Variants in MUS81 observed in about 807,000 individuals in gnomAD.
MUS81 encodes the protein structure-specific endonuclease subunit MUS81.
A neutral mutation model predicts 74.2 loss-of-function variants in MUS81; 69 were observed. The observed-to-expected ratio is 0.93, with a 90% CI of 0.77 to 1.14. MUS81 has a LOEUF of 1.14. Among genes scored for constraint, MUS81 ranks in the 50% most tolerant of loss-of-function variants. The pLI, the probability that MUS81 is intolerant of heterozygous loss-of-function variation, is 0.00. For missense variants in MUS81, 711 were observed against 726.5 expected (o/e 0.98, Z 0.25); for synonymous variants, 303 against 300.6 (o/e 1.01, Z -0.08).
At chr11:65,862,697 G>C (rs4515971) in intron 6 of MUS81, among the ~76,000 whole-genome samples, 168 bp downstream of exon 6, 2 of 152,162 alleles carry the variant, frequency 1.3e-5, no homozygotes, top group Non-Finnish European at 2.9e-5. Context: ...CCGCAGCAGC[G>C]GGGGTGGGAG....
intron 6 of MUS81, 96 bp downstream of exon 6, chr11:65,862,625 A>AC (rs371861381): frequency 3.9e-5 from 44 of 1,123,794 alleles, no homozygotes; most frequent in African/African-American, 1.0e-4. Context: ...TGCTGTTGAG[A>AC]TTGGGGGGGG....
chr11:65,863,860 C>G lies in MUS81; in HGVS notation c.1018C>G (p.Leu340Val). The change falls in exon 10 of 16, where the codon CTT becomes GTT. Residue 340 changes from leucine (L) to valine (V), a missense_variant. Transcript: ENST00000308110. Reference protein sequence around the residue: ...HIVERKRLDDLCSSIIDGRFR... With the variant: ...HIVERKRLDDVCSSIIDGRFR... ...TGTGGAGCGCAAGCGACTGGATGAC[C>G]TTTGCAGCAGCATCATCGACGGCCG... 6.2e-7 allele frequency: 1 copy of G among 1,614,172 alleles called. No homozygotes were observed. The highest frequency in any genetic ancestry group is 1.7e-5 in the Admixed American group (1 of 60,030).
intron 9 of MUS81, 27 bp downstream of exon 9, chr11:65,863,748 C>G (rs373042311): frequency 1.4e-5 from 22 of 1,613,980 alleles, no homozygotes; most frequent in Admixed American, 3.3e-5. Context: ...AGGCTGGCAC[C>G]AGGGGCAGGG....
chr11:65,862,603 TC>T lies in MUS81; in HGVS notation c.605+77del. The T allele has an allele frequency of 3.1e-6, 4 of 1,300,688 alleles. 1 individual carries two copies. Among genetic ancestry groups the T allele is most frequent in the South Asian group, 2.4e-5 (2 of 83,430 alleles). The allele number at this position is 1,300,688 out of a possible 1,614,324, so 80.6% of individuals were successfully genotyped here. A position where few individuals can be genotyped will look rare whatever the true frequency, so the allele number is the denominator to read the frequency against. ...TAGGGCCTTAGAGTCACCCAACAACTCCCAGAGCTGATGCTGTTGAGATTGG... is the reference window on the plus strand; with the variant it reads ...TAGGGCCTTAGAGTCACCCAACAACTCCAGAGCTGATGCTGTTGAGATTGG... On this transcript the variant is annotated intron_variant, in intron 6 of 15. Coordinates refer to ENST00000308110, the MANE Select transcript of MUS81 (RefSeq NM_025128.5).
At position 65,863,084 on chromosome 11, in the gene MUS81, G is replaced by A; in HGVS notation, c.625G>A (p.Gly209Ser). The change falls in exon 7 of 16, where the codon GGC (glycine) becomes AGC (serine). Residue 209 changes from glycine (G) to serine (S), a missense_variant. Physicochemically the swap from Gly to Ser is moderately conservative, Grantham distance 56 (BLOSUM62 0). Coordinates refer to ENST00000308110, the MANE Select transcript of MUS81 (RefSeq NM_025128.5). ...TCCCAGGTACTCATTGACCCCAGAG[G>A]GCCTGGAGCTGGCCCAGAAGTTGGC... ...QPARYSLTPE[G>S]LELAQKLAES... 6.2e-7 allele frequency: 1 copy of A among 1,614,136 alleles called. No individual in the cohort carries two copies. The highest frequency in any genetic ancestry group is 8.5e-7 in the Non-Finnish European group (1 of 1,180,024).
intron 5 of MUS81, 36 bp downstream of exon 5, chr11:65,862,315 G>A (rs1859639058): frequency 6.2e-7 from 1 of 1,608,652 alleles, no homozygotes; most frequent in East Asian, 2.2e-5. Context: ...GGCCCAAGTG[G>A]CTCTGGGGCC....
chr11:65,862,144 C>T (rs1448682177), intron 4 of MUS81, 67 bp from the exon 5 acceptor site: 1 of 1,590,030 alleles, frequency 6.3e-7, no homozygotes. Flanking sequence ...ATTATCCCAG[C>T]CACCTGAGCG....
At chr11:65,860,016 C>T (rs1169069434), upstream of MUS81, 1 of 271,826 alleles carries the variant, frequency 3.7e-6, no homozygotes, top group Admixed American at 4.0e-5. Context: ...CCTCTGACCC[C>T]CGACATTCCG....
chr11:65,866,484 A>G (rs1859841067), downstream of MUS81: 22 of 702,454 alleles, frequency 3.1e-5, no homozygotes, highest in East Asian at 5.9e-4. Context: ...AGGCCCAGGG[A>G]ACTACTAGGG....
intron 6 of MUS81, 115 bp from the exon 7 acceptor site, chr11:65,862,950 T>C (rs1859668642): frequency 1.5e-6 from 2 of 1,347,764 alleles, no homozygotes; most frequent in Non-Finnish European, 2.1e-6. Flanking sequence ...GCCACTGGGG[T>C]CATTTGTGCA....
chr11:65,860,958 C>T lies in MUS81; in HGVS notation c.136-15C>T. On this transcript the variant is annotated splice_polypyrimidine_tract_variant and intron_variant, in intron 1 of 15. Coordinates refer to ENST00000308110, the MANE Select transcript of MUS81 (RefSeq NM_025128.5). ...AGGCCTGCCCTGACCAGGTACCCTA[C>T]CCCTGCCCGGCCAGGCGCTGCGTTC... is the stretch of plus-strand genomic sequence containing the variant. 1.9e-6 allele frequency: 3 copies of T among 1,611,122 alleles called. No homozygotes were observed. Among genetic ancestry groups the T allele is most frequent in the South Asian group, 1.1e-5 (1 of 90,990 alleles).
At chr11:65,863,987 C>T in intron 10 of MUS81, 86 bp downstream of exon 10, 1 of 1,358,526 alleles carries the variant, frequency 7.4e-7, no homozygotes, top group Non-Finnish European at 1.0e-6. Flanking sequence ...CTTCTGGCAG[C>T]CTCCTTGAGG....
At chr11:65,866,518 G>A (rs974996443), downstream of MUS81, 1 of 702,800 alleles carries the variant, frequency 1.4e-6, no homozygotes, top group Admixed American at 2.0e-5. Flanking sequence ...ACAGTTTGAG[G>A]CAGAGTTAGG....
chr11:65,863,748 C>T, intron 9 of MUS81, 27 bp downstream of exon 9: 1 of 1,614,098 alleles, frequency 6.2e-7, no homozygotes, highest in Non-Finnish European at 8.5e-7. Context: ...AGGCTGGCAC[C>T]AGGGGCAGGG....
At chr11:65,861,315 G>C in intron 2 of MUS81, 35 bp from the exon 3 acceptor site, 2 of 1,562,834 alleles carry the variant, frequency 1.3e-6, no homozygotes, top group Non-Finnish European at 1.7e-6. Flanking sequence ...TGCCGGATTC[G>C]TGGAGTGTGG....
intron 6 of MUS81, 71 bp from the exon 7 acceptor site, chr11:65,862,994 G>C: frequency 6.3e-7 from 1 of 1,598,136 alleles, no homozygotes; most frequent in South Asian, 1.1e-5. Flanking sequence ...CAGCCCAGCT[G>C]GGGGCAGGCA....
At chr11:65,861,830 C>A in intron 3 of MUS81, 117 bp from the exon 4 acceptor site, 1 of 806,068 alleles carries the variant, frequency 1.2e-6, no homozygotes, top group Non-Finnish European at 2.0e-6. Context: ...GCCCATTTTA[C>A]AGAGAAGGAA....
At chr11:65,860,406 C>G, upstream of MUS81, 1 of 499,992 alleles carries the variant, frequency 2.0e-6, no homozygotes. Flanking sequence ...CTCGCCTACA[C>G]AAAGACCCCG....
intron 6 of MUS81, 105 bp downstream of exon 6, chr11:65,862,634 G>GC (rs1565266312): frequency 1.8e-6 from 2 of 1,103,586 alleles, no homozygotes; most frequent in African/African-American, 1.5e-5. Context: ...GATTGGGGGG[G>GC]GTGGGCCTTT....
Sources: gnomAD v4.1 joint callset for allele counts (sites outside exome capture counted in the v4.1 genomes callset) on GRCh38, gnomAD v4.1.1 for gene constraint, MANE v1.5 for transcripts, NCBI Gene and HGNC (gene_info 2026-07-23, HGNC 2026-07-21) for gene names.